The following NUMA1 variants were observed in gnomAD, a reference collection of about 807,000 sequenced individuals.
NUMA1 encodes the protein nuclear mitotic apparatus protein 1.
Under a neutral mutation model 237.1 loss-of-function variants are expected in NUMA1, and 62 were observed. The ratio of observed to expected loss-of-function variants is 0.26; its 90% CI spans 0.21 to 0.32. The LOEUF (loss-of-function observed/expected upper bound fraction) is 0.32. Among genes scored for constraint, NUMA1 ranks in the 10% least tolerant of loss-of-function variants. The pLI is 1.00. For missense variants in NUMA1, 2,533 were observed against 2,666.5 expected, an observed-to-expected ratio of 0.95 and a Z score of 1.10; for synonymous variants, 1,028 against 1,066.1, an observed-to-expected ratio of 0.96 and a Z score of 0.70.
At chr11:72,063,170 G>T (rs1402402618) in intron 2 of NUMA1, among the ~76,000 whole-genome samples, 1 of 152,120 alleles carries the variant, frequency 6.6e-6, no homozygotes, top group Non-Finnish European at 1.5e-5. Context: ...GATTGCTTGA[G>T]CCCAGGAGTT....
rs1491308625 is a variant in NUMA1, at chr11:72,056,326, T to TC, written c.-33+13515_-33+13516insG. ...GTGACGCAGCAAGATCCCATCTCTC[T>TC]TTTTTTTTTTTTGAGTTGGAGTTTT... is the stretch of plus-strand genomic sequence containing the variant. On this transcript the variant is annotated intron_variant, in intron 2 of 26. Transcript: ENST00000393695. Among the ~76,000 whole-genome samples, 7 of 1,354 alleles carry TC rather than the reference T, an allele frequency of 5.2e-3. 1 individual carries two copies. The highest frequency in any genetic ancestry group is 0.044 in the South Asian group (3 of 68). The allele number at this position is 1,354 out of a possible 152,430, so 0.9% of individuals were successfully genotyped here.
At chr11:72,032,347 T>A (rs4944258) in intron 3 of NUMA1, among the ~76,000 whole-genome samples, 134,818 of 152,204 alleles carry the variant, frequency 0.89, 60,005 homozygotes, top group Non-Finnish European at 0.95. Context: ...TCTAGGAAGA[T>A]TCTGAAAACT....
chr11:72,012,350 G>A (rs1056140173), intron 16 of NUMA1, 51 bp downstream of exon 16: 1 of 1,587,026 alleles, frequency 6.3e-7, no homozygotes, highest in African/African-American at 1.3e-5. Context: ...CATGCACCAA[G>A]ACTGGTCACC....
At position 72,016,106 on chromosome 11, in the gene NUMA1, C is replaced by T; in HGVS notation, c.1397G>A (p.Ser466Asn). 1 of 1,614,154 alleles carries T rather than the reference C, an allele frequency of 6.2e-7. No individual in the cohort carries two copies. Among genetic ancestry groups the T allele is most frequent in the Non-Finnish European group, 8.5e-7 (1 of 1,180,028 alleles). Residue 466 changes from serine to asparagine, a missense_variant, in exon 15 of 27, where the codon AGC (serine) becomes AAC (asparagine). By Grantham distance (46) the Ser-to-Asn change is conservative. Transcript: ENST00000393695. Reference protein sequence around the residue: ...HFEEEKQQLSSLITDLQSSIS... With the variant: ...HFEEEKQQLSNLITDLQSSIS... Reference sequence around the variant, plus strand: ...GGAGCTCTGCAGGTCAGTGATCAGGCTAGACAGCTGCTGCTTTTCTTCTTC... The same window carrying T: ...GGAGCTCTGCAGGTCAGTGATCAGGTTAGACAGCTGCTGCTTTTCTTCTTC...
chr11:72,019,414 A>T, intron 9 of NUMA1, 80 bp downstream of exon 9: 1 of 1,554,606 alleles, frequency 6.4e-7, no homozygotes, highest in Non-Finnish European at 8.8e-7. Context: ...GCTGGTTAAC[A>T]TCTTAACTCT....
chr11:72,059,317 C>T (rs967162395), intron 2 of NUMA1, among the ~76,000 whole-genome samples: 22 of 152,170 alleles, frequency 1.4e-4, no homozygotes, highest in Admixed American at 1.4e-3. Context: ...CACTCTGTCA[C>T]CCAGGCTGGA....
In NUMA1 at chr11:72,014,519, T is replaced by C; in HGVS notation, c.2984A>G (p.Gln995Arg). 1 of 1,601,972 alleles carries C rather than the reference T, an allele frequency of 6.2e-7. No individual in the cohort carries two copies. Among genetic ancestry groups the C allele is most frequent in the Non-Finnish European group, 8.5e-7 (1 of 1,179,880 alleles). ...RAALMESQGQQQEERGQQERE... is the reference protein window; with the variant it reads ...RAALMESQGQRQEERGQQERE... ...TTCCTGCTGCCCACGCTCCTCCTGC[T>C]GCTGCCCCTGGCTCTCCATCAGCGC... is the stretch of plus-strand genomic sequence containing the variant. The change falls in exon 15 of 27, where the codon CAG (glutamine) becomes CGG (arginine). Residue 995 changes from glutamine (Q) to arginine (R), a missense_variant. Around this residue, in one of 3 missense-constraint regions of NUMA1, gnomAD observed 1,414 missense variants for 1,508.1 expected, o/e 0.94. Coordinates refer to ENST00000393695, the MANE Select transcript of NUMA1 (RefSeq NM_006185.4). The surrounding 1 kb of genome is among the most constrained non-coding windows in gnomAD (Gnocchi z 4.6).
intron 2 of NUMA1, among the ~76,000 whole-genome samples, chr11:72,054,793 T>C (rs933068335): frequency 6.6e-5 from 10 of 152,112 alleles, no homozygotes; most frequent in East Asian, 3.8e-4. Flanking sequence ...AAAAATATGA[T>C]TTGGGGTTAG....
intron 2 of NUMA1, among the ~76,000 whole-genome samples, chr11:72,038,007 T>C (rs1366052505): frequency 6.6e-6 from 1 of 152,082 alleles, no homozygotes; most frequent in African/African-American, 2.4e-5. Flanking sequence ...CTTGGCTCTG[T>C]GGTGGGGCGG....
At chr11:72,055,332 G>A (rs906551885) in intron 2 of NUMA1, among the ~76,000 whole-genome samples, 1 of 152,084 alleles carries the variant, frequency 6.6e-6, no homozygotes, top group Non-Finnish European at 1.5e-5. Context: ...AAAGAGGAAT[G>A]AAGTCCAGAA....
chr11:72,018,997 C>T lies in NUMA1; in HGVS notation c.585-17G>A. 6.2e-7 allele frequency: 1 copy of T among 1,612,722 alleles called. No homozygotes were observed. ...GAGAGAAAGCTGAGGAGGGAGAAGGCCCATATGCATTGGTAAGCGCCTAAG... is the reference window on the plus strand; with the variant it reads ...GAGAGAAAGCTGAGGAGGGAGAAGGTCCATATGCATTGGTAAGCGCCTAAG... On this transcript the variant is annotated splice_polypyrimidine_tract_variant and intron_variant, in intron 9 of 26. Coordinates refer to ENST00000393695, the MANE Select transcript of NUMA1 (RefSeq NM_006185.4).
At position 72,013,798 on chromosome 11, in the gene NUMA1, G is replaced by A. The variant is rs1956311001; in HGVS notation, c.3705C>T (p.Ser1235=). ...SLISSLEEEV[S]ILNRQVLEKE... ...TCTCCAGGACCTGGCGATTCAGGAT[G>A]GACACCTCCTCCTCCAAGCTGCTGA... The change falls in exon 15 of 27, where the codon TCC becomes TCT. Residue 1235 remains serine (S), a synonymous_variant. Transcript: ENST00000393695. This position sits in a 1 kb window ranked among gnomAD's most constrained non-coding sequence, Gnocchi z 6.8. The A allele has an allele frequency of 6.2e-7, 1 of 1,610,368 alleles. No homozygotes were observed. Among genetic ancestry groups the A allele is most frequent in the African/African-American group, 1.3e-5 (1 of 74,928 alleles).
chr11:72,005,740 T>C, intron 22 of NUMA1: 1 of 498,798 alleles, frequency 2.0e-6, no homozygotes, highest in South Asian at 2.8e-5. Context: ...AGCCTGGCCT[T>C]TCCAGCAGCC....
chr11:72,025,054 C>G (rs953051042), intron 4 of NUMA1, among the ~76,000 whole-genome samples: 1 of 152,140 alleles, frequency 6.6e-6, no homozygotes, highest in Non-Finnish European at 1.5e-5. Flanking sequence ...TGGACCACCA[C>G]GCCCGGCTAA....
chr11:72,006,283 TGTTGCAGTGTAC>T lies in NUMA1; in HGVS notation c.5464-32_5464-21del. The T allele has an allele frequency of 1.2e-6, 2 of 1,608,034 alleles. No homozygotes were observed. Among genetic ancestry groups the T allele is most frequent in the Non-Finnish European group, 1.7e-6 (2 of 1,174,888 alleles). On this transcript the variant is annotated intron_variant, in intron 21 of 26. Transcript: ENST00000393695. ...TAGCTTCTGGAAGACAGAGTGAATC[TGTTGCAGTGTAC>T]AGTCCCTGGCACTGTACAGAAGCTT...
intron 2 of NUMA1, among the ~76,000 whole-genome samples, chr11:72,056,079 G>C (rs1230368270): frequency 6.6e-6 from 1 of 151,794 alleles, no homozygotes; most frequent in Non-Finnish European, 1.5e-5. Context: ...AACCTGGAAG[G>C]TGGAGGCTGC....
chr11:72,060,361 G>A (rs1176918098), intron 2 of NUMA1, among the ~76,000 whole-genome samples: 2 of 152,220 alleles, frequency 1.3e-5, no homozygotes, highest in Non-Finnish European at 1.5e-5. Flanking sequence ...ACTTGCCTAA[G>A]CACAGTGACT....
At chr11:72,066,311 A>T (rs910916659) in intron 2 of NUMA1, 11 of 152,204 alleles carry the variant, frequency 7.2e-5, no homozygotes, top group African/African-American at 2.7e-4. Flanking sequence ...GAAAAAAAAA[A>T]AAAAAGAATA....
At chr11:72,021,163 T>G in intron 8 of NUMA1, 41 bp downstream of exon 8, 1 of 1,484,294 alleles carries the variant, frequency 6.7e-7, no homozygotes, top group Non-Finnish European at 9.4e-7. Flanking sequence ...TATTCCCCAT[T>G]TCAGAGATGA....
Sources: gnomAD v4.1 joint callset for allele counts (sites outside exome capture counted in the v4.1 genomes callset) on GRCh38, gnomAD v4.1.1 for gene constraint, gnomAD v4.1.1 regional missense constraint, Gnocchi (gnomAD v3.1) non-coding constraint, MANE v1.5 for transcripts, NCBI Gene and HGNC (gene_info 2026-07-23, HGNC 2026-07-21) for gene names.